The following TCF25 variants were observed in gnomAD, a reference collection of about 807,000 sequenced individuals.
The protein encoded by TCF25 is ribosome quality control complex subunit TCF25.
TCF25 carries 41 observed loss-of-function variants against 83.1 expected under a neutral mutation model. The observed-to-expected ratio is 0.49, with a 90% CI of 0.38 to 0.64. The LOEUF (loss-of-function observed/expected upper bound fraction) is 0.64, where lower values mean the gene tolerates loss of function less well. TCF25 is among the 30% of genes least tolerant of loss of function. TCF25 has a pLI of 0.00. For missense variants in TCF25, 979 were observed against 914.5 expected (o/e 1.07, Z -0.91); for synonymous variants, 458 against 365.0 (o/e 1.25, Z -2.90).
intron 5 of TCF25, among the ~76,000 whole-genome samples, chr16:89,888,253 G>A (rs1665852728): frequency 1.3e-5 from 2 of 150,684 alleles, no homozygotes; most frequent in South Asian, 2.1e-4. Context: ...CCGACAGAGC[G>A]AGACCGTGTC....
rs1354586819 is a variant in TCF25, at chr16:89,898,821, C to T, written c.1170C>T (p.Ala390=). The T allele has an allele frequency of 6.2e-7, 1 of 1,613,824 alleles. No homozygotes were observed. The highest frequency in any genetic ancestry group is 8.5e-7 in the Non-Finnish European group (1 of 1,180,048). The change falls in exon 11 of 18, where the codon GCC becomes GCT. Residue 390 remains alanine, a synonymous_variant. Transcript: ENST00000263346. ...LCMLLLIDHL[A]LRARNYEYLI... is the part of the protein sequence containing the mutation. Reference sequence around the variant, plus strand: ...TGCTGCTGCTCATCGACCACCTGGCCTTGCGGGCCCGGAACTACGAGTACC... The same window carrying T: ...TGCTGCTGCTCATCGACCACCTGGCTTTGCGGGCCCGGAACTACGAGTACC...
In TCF25 at chr16:89,908,895, A is replaced by G. The variant is rs2045307489; in HGVS notation, c.1799+1573A>G. 3 of 1,271,524 alleles carry G rather than the reference A, an allele frequency of 2.4e-6. No homozygotes were observed. In the South Asian group the frequency reaches 3.8e-5, roughly 16 times the overall value. 78.8% of individuals were successfully genotyped at this position (1,271,524 alleles called of 1,614,324 possible). A position where few individuals can be genotyped will look rare whatever the true frequency, so the allele number is the denominator to read the frequency against. On this transcript the variant is annotated intron_variant, in intron 16 of 17. Coordinates refer to ENST00000263346, the MANE Select transcript of TCF25 (RefSeq NM_014972.3). ...GGTCAGGGCTTTGGGGCTCACAGGGACTGGCTGCCTCTTTCAGACCCAGAT... is the reference window on the plus strand; with the variant it reads ...GGTCAGGGCTTTGGGGCTCACAGGGGCTGGCTGCCTCTTTCAGACCCAGAT...
intron 5 of TCF25, among the ~76,000 whole-genome samples, chr16:89,888,037 G>A (rs577981974): frequency 2.6e-5 from 4 of 152,132 alleles, no homozygotes; most frequent in Middle Eastern, 3.4e-3. Flanking sequence ...AGGCTGAGGC[G>A]GACAGATCAC....
At chr16:89,909,032 T>C (rs2045321516) in intron 16 of TCF25, 1 of 1,289,412 alleles carries the variant, frequency 7.8e-7, no homozygotes, top group African/African-American at 1.5e-5. Flanking sequence ...GGCCACGTTC[T>C]TTCCCATCTC....
chr16:89,898,672 G>T (rs746586122), intron 10 of TCF25, 23 bp downstream of exon 10: 3 of 1,612,310 alleles, frequency 1.9e-6, no homozygotes, highest in Non-Finnish European at 2.5e-6. Flanking sequence ...TCAGGGCCAA[G>T]CCCGTCCACG....
Position 89,905,003 on chromosome 16 carries a change from A to G in TCF25, c.1535A>G (p.Glu512Gly), listed in dbSNP as rs1352115159. The G allele has an allele frequency of 1.2e-6, 2 of 1,606,416 alleles. No homozygotes were observed. Among genetic ancestry groups the G allele is most frequent in the Admixed American group, 3.4e-5 (2 of 59,070 alleles). The change falls in exon 14 of 18, where the codon GAG becomes GGG. Residue 512 changes from glutamate to glycine, a missense_variant. Transcript: ENST00000263346. ...YLGRSHFLWK[E>G]PATMSWLEEN... Reference sequence around the variant, plus strand: ...GGGAGGTCACACTTTCTCTGGAAAGAGCCCGCCACCATGAGCTGGCTGGAG... The same window carrying G: ...GGGAGGTCACACTTTCTCTGGAAAGGGCCCGCCACCATGAGCTGGCTGGAG...
chr16:89,883,735 T>C, intron 2 of TCF25: 2 of 537,050 alleles, frequency 3.7e-6, no homozygotes, highest in Non-Finnish European at 6.6e-6. Context: ...AGTCTGCGCC[T>C]GCCCAGCAGT....
intron 12 of TCF25, chr16:89,901,099 G>T: frequency 3.7e-6 from 1 of 268,212 alleles, no homozygotes; most frequent in Non-Finnish European, 7.3e-6. Context: ...ACCAGTGCTG[G>T]GGAGGAGAGC....
At chr16:89,875,253 A>C (rs1459349250) in intron 1 of TCF25, among the ~76,000 whole-genome samples, 1 of 152,220 alleles carries the variant, frequency 6.6e-6, no homozygotes, top group Admixed American at 6.6e-5. Context: ...AGTGAAATGC[A>C]GCACCTAGCT....
intron 16 of TCF25, among the ~76,000 whole-genome samples, chr16:89,908,603 C>T (rs2045230513): frequency 8.6e-6 from 1 of 116,916 alleles, no homozygotes; most frequent in African/African-American, 3.1e-5. Flanking sequence ...TCCCGCCTCC[C>T]TCCTCCCAGC....
chr16:89,911,355 T>C lies in TCF25; in HGVS notation c.*117T>C, dbSNP rs1459171754. 2 of 1,367,920 alleles carry C rather than the reference T, an allele frequency of 1.5e-6. No individual in the cohort carries two copies. The highest frequency in any genetic ancestry group is 1.9e-5 in the Admixed American group (1 of 51,320). The allele number at this position is 1,367,920 out of a possible 1,614,324, so 84.7% of individuals were successfully genotyped here. A position where few individuals can be genotyped will look rare whatever the true frequency, so the allele number is the denominator to read the frequency against. Reference sequence around the variant, plus strand: ...AGTGTGTCGCTCCCTGGTCCACTGTTTCTCCTATAAATGTAAATGGGTCAC... The same window carrying C: ...AGTGTGTCGCTCCCTGGTCCACTGTCTCTCCTATAAATGTAAATGGGTCAC... On this transcript the variant is annotated 3_prime_UTR_variant, in exon 18 of 18. Transcript: ENST00000263346.
At chr16:89,875,381 C>T (rs751053263) in intron 1 of TCF25, among the ~76,000 whole-genome samples, 6 of 151,976 alleles carry the variant, frequency 3.9e-5, no homozygotes, top group South Asian at 2.1e-4. Context: ...TTGTCTCTAA[C>T]GTATTTTCTC....
intron 3 of TCF25, 145 bp downstream of exon 3, chr16:89,884,801 G>A (rs1288999377): frequency 6.3e-6 from 4 of 635,242 alleles, no homozygotes; most frequent in African/African-American, 5.3e-5. Flanking sequence ...TCTGCCTGAC[G>A]CCCTCTCCCT....
intron 4 of TCF25, among the ~76,000 whole-genome samples, chr16:89,886,306 T>C (rs1036775313): frequency 2.0e-5 from 3 of 152,052 alleles, no homozygotes; most frequent in African/African-American, 7.2e-5. Flanking sequence ...GGGCGCCTTA[T>C]AGTCCCAGCT....
chr16:89,882,787 A>G (rs879197289), intron 1 of TCF25, among the ~76,000 whole-genome samples: 1 of 152,156 alleles, frequency 6.6e-6, no homozygotes, highest in East Asian at 1.9e-4. Context: ...GGGTTTCGCC[A>G]TGTTGGCCAG....
chr16:89,877,548 G>A (rs572443326), intron 1 of TCF25, among the ~76,000 whole-genome samples: 8 of 152,316 alleles, frequency 5.3e-5, no homozygotes, highest in South Asian at 4.1e-4. Context: ...TTAGAAAAGT[G>A]TTTAAAAATC....
intron 12 of TCF25, among the ~76,000 whole-genome samples, chr16:89,902,771 C>G (rs1294296458): frequency 2.6e-5 from 4 of 152,020 alleles, no homozygotes; most frequent in Non-Finnish European, 4.4e-5. Flanking sequence ...TAAGACGGGC[C>G]TCCTCCGAGG....
chr16:89,892,544 CAGTACCTCA>C (rs1567714375), intron 6 of TCF25, among the ~76,000 whole-genome samples: 1 of 152,180 alleles, frequency 6.6e-6, no homozygotes, highest in Non-Finnish European at 1.5e-5. Flanking sequence ...AGGCCTGGCC[CAGTACCTCA>C]ACACGGAGCC....
intron 9 of TCF25, among the ~76,000 whole-genome samples, chr16:89,897,217 C>T (rs936286496): frequency 5.9e-5 from 9 of 152,222 alleles, no homozygotes; most frequent in Admixed American, 6.5e-5. Flanking sequence ...GACCCTCGCT[C>T]CCCTGTGCTG....
Sources: allele counts gnomAD v4.1 joint callset (sites outside exome capture counted in the v4.1 genomes callset), GRCh38; gene constraint gnomAD v4.1.1; transcripts MANE v1.5; gene names NCBI Gene and HGNC (gene_info 2026-07-23, HGNC 2026-07-21).